The following ITCH variants were observed in gnomAD, a reference collection of about 807,000 sequenced individuals.
ITCH encodes the protein itchy E3 ubiquitin protein ligase, also known as E3 ubiquitin-protein ligase Itchy homolog.
A neutral mutation model predicts 126.8 loss-of-function variants in ITCH; 28 were observed. The ratio of observed to expected loss-of-function variants is 0.22; its 90% CI spans 0.16 to 0.30. ITCH has a LOEUF of 0.30. Among genes scored for constraint, ITCH ranks in the 10% least tolerant of loss-of-function variants. The probability of loss-of-function intolerance (pLI) is 1.00; values close to 1 mark genes in which losing one functional copy is unlikely to be tolerated. For synonymous variants in ITCH, 342 were observed against 340.0 expected, an observed-to-expected ratio of 1.01 and a Z score of -0.06; for missense variants, 631 against 1,032.4, an observed-to-expected ratio of 0.61 and a Z score of 5.33.
intron 16 of ITCH, among the ~76,000 whole-genome samples, chr20:34,475,569 C>T (rs1264015759): frequency 6.6e-6 from 1 of 152,038 alleles, no homozygotes; most frequent in Non-Finnish European, 1.5e-5. Context: ...GCAGGAGAAT[C>T]AGGCAGGGAG....
rs955354615 is a variant in ITCH, at chr20:34,486,315, C to G, written c.2094-2951C>G. Among the ~76,000 whole-genome samples, 9 of 151,996 alleles carry G rather than the reference C, an allele frequency of 5.9e-5. 1 individual carries two copies. Among genetic ancestry groups the G allele is most frequent in the Admixed American group, 5.9e-4 (9 of 15,272 alleles). ...AATTATAGGCATGAGCCGCCGCATC[C>G]AGTCCACACCTTTTTTTTTTTTTCC... On this transcript the variant is annotated intron_variant, in intron 20 of 24. Transcript: ENST00000374864.
chr20:34,375,335 C>T (rs112630459), intron 2 of ITCH, among the ~76,000 whole-genome samples: 1 of 150,198 alleles, frequency 6.7e-6, no homozygotes, highest in Admixed American at 6.6e-5. Context: ...GCCACCGCAC[C>T]TGGCCTTTTT....
intron 7 of ITCH, among the ~76,000 whole-genome samples, chr20:34,429,250 T>C (rs1316393497): frequency 6.6e-6 from 1 of 152,212 alleles, no homozygotes; most frequent in African/African-American, 2.4e-5. Flanking sequence ...AGCTAATTGC[T>C]TTTCAAAGCC....
At chr20:34,473,418 C>CAAACTG (rs1456372275) in intron 16 of ITCH, among the ~76,000 whole-genome samples, 1 of 152,226 alleles carries the variant, frequency 6.6e-6, no homozygotes, top group Non-Finnish European at 1.5e-5. Context: ...CTGGGACTGA[C>CAAACTG]ACACTGCAGC....
intron 4 of ITCH, among the ~76,000 whole-genome samples, chr20:34,411,355 T>C (rs1022104478): frequency 2.0e-5 from 3 of 152,134 alleles, no homozygotes; most frequent in Non-Finnish European, 2.9e-5. Flanking sequence ...GGTTTCACCA[T>C]GTTGGCCAGG....
rs370090459 is a variant in ITCH, at chr20:34,408,754, C to T, written c.174C>T (p.Asn58=). 6 of 1,614,056 alleles carry T rather than the reference C, an allele frequency of 3.7e-6. No homozygotes were observed. The highest frequency in any genetic ancestry group is 5.1e-6 in the Non-Finnish European group (6 of 1,179,976). The change falls in exon 4 of 25, where the codon AAC becomes AAT. Residue 58 remains asparagine, a synonymous_variant. Transcript: ENST00000374864. The part of the protein sequence containing the change: ...DGQSKKTEKC[N]NTNSPKWKQP... Reference sequence around the variant, plus strand: ...AGTCAAAGAAGACAGAAAAATGCAACAACACAAACAGTCCCAAGTGGAAGC... The same window carrying T: ...AGTCAAAGAAGACAGAAAAATGCAATAACACAAACAGTCCCAAGTGGAAGC...
At chr20:34,441,289 T>C (rs1026606123) in intron 9 of ITCH, among the ~76,000 whole-genome samples, 2 of 151,916 alleles carry the variant, frequency 1.3e-5, no homozygotes, top group African/African-American at 4.8e-5. Context: ...AAAAGAAAAA[T>C]CATAGCAAAG....
At chr20:34,507,263 G>GTTTTTTTTTTTTTTTT (rs776161631) in intron 24 of ITCH, among the ~76,000 whole-genome samples, 36 of 39,144 alleles carry the variant, frequency 9.2e-4, no homozygotes, top group East Asian at 1.8e-3. Context: ...GTTTTCTTCT[G>GTTTTTTTTTTTTTTTT]TTTTTTTTTT....
At position 34,511,210 on chromosome 20, in the gene ITCH, T is replaced by G. The variant is rs1388418279; in HGVS notation, c.*3416T>G. The G allele has an allele frequency of 6.6e-6, 1 of 152,210 alleles. No individual in the cohort carries two copies. The highest frequency in any genetic ancestry group is 1.5e-5 in the Non-Finnish European group (1 of 68,036). The allele number at this position is 152,210 out of a possible 1,614,324, so 9.4% of individuals were successfully genotyped here. ...TAACTAAAAATGGAATTGGCAGCAC[T>G]GGATTGTATATTACTGTATTAAGAG... On this transcript the variant is annotated 3_prime_UTR_variant, in exon 25 of 25. Coordinates refer to ENST00000374864, the MANE Select transcript of ITCH (RefSeq NM_031483.7).
intron 14 of ITCH, among the ~76,000 whole-genome samples, chr20:34,463,503 T>C (rs1165957370): frequency 6.6e-6 from 1 of 152,228 alleles, no homozygotes; most frequent in African/African-American, 2.4e-5. Context: ...CTGTATTTAA[T>C]TTTTTGAAGA....
intron 7 of ITCH, among the ~76,000 whole-genome samples, chr20:34,433,722 T>A (rs905709946): frequency 6.6e-6 from 1 of 151,254 alleles, no homozygotes; most frequent in Non-Finnish European, 1.5e-5. Context: ...TATGTCTATA[T>A]ATAATTTTCT....
At position 34,472,918 on chromosome 20, in the gene ITCH, T is replaced by C. The variant is rs111460884; in HGVS notation, c.1569+1403T>C. Among the ~76,000 whole-genome samples the C allele has an allele frequency of 3.4e-3, 523 of 152,332 alleles. 2 individuals are homozygous for C. The highest frequency in any genetic ancestry group is 0.011 in the African/African-American group (447 of 41,578). On this transcript the variant is annotated intron_variant, in intron 16 of 24. Coordinates refer to ENST00000374864, the MANE Select transcript of ITCH (RefSeq NM_031483.7). ...CATAACCACCCTTTTATCACTCTGTTGGACGAGTTTCTTGAAGCAACTTGC... is the reference window on the plus strand; with the variant it reads ...CATAACCACCCTTTTATCACTCTGTCGGACGAGTTTCTTGAAGCAACTTGC...
chr20:34,414,499 T>TCTTGTTATC (rs1263116283), intron 6 of ITCH, among the ~76,000 whole-genome samples: 1 of 144,782 alleles, frequency 6.9e-6, no homozygotes, highest in Non-Finnish European at 1.5e-5. Flanking sequence ...GGAGTTTTGC[T>TCTTGTTATC]CTTGTTATCC....
At chr20:34,408,889 G>A (rs542861506) in intron 4 of ITCH, 97 bp downstream of exon 4, 5 of 1,190,868 alleles carry the variant, frequency 4.2e-6, no homozygotes, top group Admixed American at 4.4e-5. Context: ...TTTTGTTGTT[G>A]TTGTTCCTCC....
Position 34,369,410 on chromosome 20 carries a change from G to A in ITCH, c.-82G>A, listed in dbSNP as rs3746455. The A allele has an allele frequency of 0.53, 211,281 of 398,614 alleles. 57,461 individuals carry two copies. The highest frequency in any genetic ancestry group is 0.67 in the African/African-American group (32,334 of 48,606). The allele number at this position is 398,614 out of a possible 1,614,324, so 24.7% of individuals were successfully genotyped here. A position where few individuals can be genotyped will look rare whatever the true frequency, so the allele number is the denominator to read the frequency against. ...CTTTCTCAGGTACCATGCATTTCAC[G>A]GTGGCCTTGTGGAGACAACGCCTTA... On this transcript the variant is annotated 5_prime_UTR_variant, in exon 2 of 25. Coordinates refer to ENST00000374864, the MANE Select transcript of ITCH (RefSeq NM_031483.7).
At chr20:34,375,696 A>ATTTTTTTTTTTTTTTTTTTTTTT (rs5841171) in intron 2 of ITCH, among the ~76,000 whole-genome samples, 1 of 65,554 alleles carries the variant, frequency 1.5e-5, no homozygotes, top group African/African-American at 7.3e-5. Flanking sequence ...GGTAGTTAAA[A>ATTTTTTTTTTTTTTTTTTTTTTT]TTTTTTTTTT....
rs1242054294 is a variant in ITCH at position 34,492,507 on chromosome 20, A to G, written c.2326A>G (p.Lys776Glu). The G allele has an allele frequency of 1.3e-6, 2 of 1,589,346 alleles. No homozygotes were observed. Among genetic ancestry groups the G allele is most frequent in the Admixed American group, 1.7e-5 (1 of 60,004 alleles). The change falls in exon 23 of 25, where the codon AAA (lysine) becomes GAA (glutamate). Residue 776 changes from lysine (K) to glutamate (E), a missense_variant. Around this residue, in one of 4 missense-constraint regions of ITCH, gnomAD observed 390 missense variants for 731.6 expected, o/e 0.53. Coordinates refer to ENST00000374864, the MANE Select transcript of ITCH (RefSeq NM_031483.7). ...KQIMWFWQFV[K>E]EIDNEKRMRL... Reference sequence around the variant, plus strand: ...TTAAATATACTTTTAACAGTTTGTTAAAGAAATTGATAATGAGAAGAGAAT... The same window carrying G: ...TTAAATATACTTTTAACAGTTTGTTGAAGAAATTGATAATGAGAAGAGAAT...
intron 16 of ITCH, among the ~76,000 whole-genome samples, chr20:34,475,244 A>G (rs1988079172): frequency 6.6e-6 from 1 of 152,100 alleles, no homozygotes; most frequent in Admixed American, 6.5e-5. Context: ...CTCACTTCCC[A>G]GACGTGGTGG....
At chr20:34,372,274 C>T (rs1311244597) in intron 2 of ITCH, among the ~76,000 whole-genome samples, 5 of 129,716 alleles carry the variant, frequency 3.9e-5, no homozygotes, top group African/African-American at 6.1e-5. Context: ...CACTGCACTC[C>T]AGCCTGGGCG....
Sources: allele counts gnomAD v4.1 joint callset (sites outside exome capture counted in the v4.1 genomes callset), GRCh38; gene constraint gnomAD v4.1.1; regional missense constraint gnomAD v4.1.1; transcripts MANE v1.5; gene names NCBI Gene and HGNC (gene_info 2026-07-23, HGNC 2026-07-21).